The following ZBTB38 variants were observed in gnomAD, a reference collection of about 807,000 sequenced individuals.
ZBTB38 encodes the protein zinc finger and BTB domain containing 38.
In ZBTB38, 20 loss-of-function variants were observed where a neutral mutation model predicts 76.8. The ratio of observed to expected loss-of-function variants is 0.26; its 90% CI spans 0.18 to 0.38. The LOEUF (loss-of-function observed/expected upper bound fraction) is 0.38. ZBTB38 is among the 10% of genes least tolerant of loss of function. The pLI, the probability that ZBTB38 is intolerant of heterozygous loss-of-function variation, is 1.00. For synonymous variants in ZBTB38, 504 were observed against 544.2 expected (o/e 0.93, Z 1.03); for missense variants, 1,082 against 1,482.3 (o/e 0.73, Z 4.43).
At chr3:141,421,751 G>A (rs2150181385) in intron 5 of ZBTB38, among the ~76,000 whole-genome samples, 1 of 152,340 alleles carries the variant, frequency 6.6e-6, no homozygotes, top group Non-Finnish European at 1.5e-5. Context: ...AAATAAGAAT[G>A]AGTCAGAGTG....
upstream of ZBTB38, chr3:141,366,816 C>T (rs960425310): frequency 1.3e-5 from 2 of 152,172 alleles, no homozygotes; most frequent in Non-Finnish European, 1.5e-5. Context: ...GACATTTACT[C>T]TAAGAGAATC....
intron 1 of ZBTB38, among the ~76,000 whole-genome samples, chr3:141,360,869 C>T (rs1192993603): frequency 6.6e-6 from 1 of 152,146 alleles, no homozygotes. Flanking sequence ...GGGGCAAACG[C>T]ACCCCTGGTT....
At position 141,447,952 on chromosome 3, in the gene ZBTB38, T is replaced by C. The variant is rs1374018572; in HGVS notation, c.*1976T>C. 6.6e-6 allele frequency: 1 copy of C among 152,628 alleles called. No homozygotes were observed. Among genetic ancestry groups the C allele is most frequent in the Non-Finnish European group, 1.5e-5 (1 of 68,030 alleles). The allele number at this position is 152,628 out of a possible 1,614,324, so 9.5% of individuals were successfully genotyped here. On this transcript the variant is annotated 3_prime_UTR_variant, in exon 6 of 6. Transcript: ENST00000321464. Reference sequence around the variant, plus strand: ...AGCAAATTCAACTTTATTTTATACATTGTATATATGTACACCCTACACTAT... The same window carrying C: ...AGCAAATTCAACTTTATTTTATACACTGTATATATGTACACCCTACACTAT...
intron 5 of ZBTB38, among the ~76,000 whole-genome samples, chr3:141,414,995 G>A (rs1224150134): frequency 3.3e-5 from 5 of 151,784 alleles, no homozygotes; most frequent in Admixed American, 2.0e-4. Flanking sequence ...TGTCTTTGAC[G>A]CACATAGCAC....
chr3:141,355,547 T>A (rs564092303), intron 1 of ZBTB38, among the ~76,000 whole-genome samples: 1 of 152,146 alleles, frequency 6.6e-6, no homozygotes, highest in African/African-American at 2.4e-5. Context: ...TGGCCACAGG[T>A]TATCCATGGA....
At chr3:141,347,485 G>A (rs544468914) in intron 1 of ZBTB38, among the ~76,000 whole-genome samples, 49 of 152,250 alleles carry the variant, frequency 3.2e-4, no homozygotes, top group African/African-American at 1.1e-3. Context: ...GAAGGACCAC[G>A]CTGTGTAAAA....
chr3:141,397,605 T>C (rs1950626230), intron 4 of ZBTB38, among the ~76,000 whole-genome samples: 1 of 152,218 alleles, frequency 6.6e-6, no homozygotes, highest in East Asian at 1.9e-4. Flanking sequence ...AAGTGAGAAA[T>C]GCTCAATTCT....
At chr3:141,336,193 C>A (rs953318043) in intron 1 of ZBTB38, among the ~76,000 whole-genome samples, 1 of 152,236 alleles carries the variant, frequency 6.6e-6, no homozygotes, top group South Asian at 2.1e-4. Flanking sequence ...GTCGATGGGA[C>A]GTTTGTCTTA....
chr3:141,392,564 A>T (rs895606557), intron 4 of ZBTB38, among the ~76,000 whole-genome samples: 6 of 152,110 alleles, frequency 3.9e-5, no homozygotes, highest in African/African-American at 1.4e-4. Context: ...ATTTCAGCTG[A>T]TGACAAGGAC....
At position 141,445,975 on chromosome 3, in the gene ZBTB38, G is replaced by A. The variant is rs2081060850; in HGVS notation, c.3587G>A (p.Ter1196=). ...IQTGVENVVL[*] Reference sequence around the variant, plus strand: ...ACCGGTGTGGAAAATGTTGTCCTTTGAGTGGCAAGAATTAGAAAAATCTTC... The same window carrying A: ...ACCGGTGTGGAAAATGTTGTCCTTTAAGTGGCAAGAATTAGAAAAATCTTC... Residue 1196 remains the stop codon, a stop_retained_variant, in exon 6 of 6, where the codon TGA becomes TAA. Transcript: ENST00000321464. This position sits in a 1 kb window ranked among gnomAD's most constrained non-coding sequence, Gnocchi z 6.5. 1.3e-6 allele frequency: 2 copies of A among 1,556,650 alleles called. No homozygotes were observed. The highest frequency in any genetic ancestry group is 8.6e-7 in the Non-Finnish European group (1 of 1,159,218).
At chr3:141,370,063 G>T (rs912585062) in intron 2 of ZBTB38, 117 bp downstream of exon 2, 1 of 152,198 alleles carries the variant, frequency 6.6e-6, no homozygotes, top group Non-Finnish European at 1.5e-5. Context: ...TGTACACAAT[G>T]ATTACAGCTA....
At chr3:141,340,961 A>AAG (rs1559913218) in intron 1 of ZBTB38, among the ~76,000 whole-genome samples, 1 of 128,844 alleles carries the variant, frequency 7.8e-6, no homozygotes, top group African/African-American at 3.2e-5. Context: ...AAAGAAAGAA[A>AAG]GAAAGAAAGA....
At chr3:141,372,061 C>T (rs1227884712) in intron 2 of ZBTB38, among the ~76,000 whole-genome samples, 2 of 152,206 alleles carry the variant, frequency 1.3e-5, no homozygotes, top group Admixed American at 1.3e-4. Context: ...CACATCCACA[C>T]CCTGAAGAGC....
intron 4 of ZBTB38, chr3:141,394,397 C>T (rs1003842992): frequency 4.6e-5 from 7 of 152,172 alleles, no homozygotes; most frequent in Non-Finnish European, 2.9e-5. Context: ...CTCCTCACCA[C>T]CCCCTACCAC....
chr3:141,368,348 CG>C (rs796501243), upstream of ZBTB38: 67 of 152,514 alleles, frequency 4.4e-4, no homozygotes, highest in African/African-American at 1.6e-3. Flanking sequence ...TCTGTGCCGG[CG>C]AGTGTGCTGA....
intron 2 of ZBTB38, among the ~76,000 whole-genome samples, chr3:141,371,589 C>A (rs1424193118): frequency 6.6e-6 from 1 of 151,724 alleles, no homozygotes; most frequent in Non-Finnish European, 1.5e-5. Context: ...ATCCACCACC[C>A]ACCTTGGCCT....
chr3:141,387,335 C>A lies in ZBTB38; in HGVS notation c.-106+398C>A, dbSNP rs543590713. 234 of 152,142 alleles carry A rather than the reference C, an allele frequency of 1.5e-3. 1 individual carries two copies. The highest frequency in any genetic ancestry group is 5.3e-3 in the African/African-American group (220 of 41,504). 9.4% of individuals were successfully genotyped at this position (152,142 alleles called of 1,614,324 possible). On this transcript the variant is annotated intron_variant, in intron 4 of 5. Coordinates refer to ENST00000321464, the MANE Select transcript of ZBTB38 (RefSeq NM_001376113.1). ...ACAAAACTCTGCTACCAGATGGTGT[C>A]TCTCCTTTCTTCGTGCATTTGCTGT...
chr3:141,368,166 A>T (rs983236105), upstream of ZBTB38: 8 of 152,472 alleles, frequency 5.2e-5, no homozygotes, highest in African/African-American at 1.9e-4. Context: ...GTCCCCAGGG[A>T]AACACCCTCT....
intron 1 of ZBTB38, among the ~76,000 whole-genome samples, chr3:141,338,400 C>T (rs1169679957): frequency 2.6e-5 from 4 of 152,198 alleles, no homozygotes; most frequent in Admixed American, 6.5e-5. Context: ...AACCTAAATG[C>T]CCACCAGTGG....
Sources: gnomAD v4.1 joint callset for allele counts (sites outside exome capture counted in the v4.1 genomes callset) on GRCh38, gnomAD v4.1.1 for gene constraint, Gnocchi (gnomAD v3.1) non-coding constraint, MANE v1.5 for transcripts, NCBI Gene and HGNC (gene_info 2026-07-23, HGNC 2026-07-21) for gene names.